Variants in PI4KA observed in about 807,000 individuals in gnomAD.
PI4KA encodes PI4-kinase alpha.
PI4KA carries 122 observed loss-of-function variants against 271.4 expected under a neutral mutation model. The observed-to-expected ratio is 0.45, with a 90% CI of 0.39 to 0.52. The LOEUF is 0.52. Ranked by LOEUF, PI4KA falls within the 20% of genes least tolerant of loss-of-function variation. The probability of loss-of-function intolerance (pLI) is 0.00; values close to 1 mark genes in which losing one functional copy is unlikely to be tolerated. For missense variants in PI4KA, 1,969 were observed against 2,769.1 expected (o/e 0.71, Z 6.48); for synonymous variants, 1,041 against 1,078.8 (o/e 0.96, Z 0.69).
chr22:20,779,449 A>G (rs375630666), intron 19 of PI4KA: 4 of 1,614,078 alleles, frequency 2.5e-6, no homozygotes, highest in African/African-American at 1.3e-5. Context: ...GAGCAGTTAA[A>G]TAACAAAAAC....
chr22:20,755,051 A>T (rs935556791), intron 23 of PI4KA, among the ~76,000 whole-genome samples: 1 of 152,172 alleles, frequency 6.6e-6, no homozygotes, highest in Non-Finnish European at 1.5e-5. Context: ...GGCCTCCCAA[A>T]ATGCTAGGAT....
intron 19 of PI4KA, among the ~76,000 whole-genome samples, chr22:20,766,647 A>T (rs1301827419): frequency 6.6e-6 from 1 of 152,202 alleles, no homozygotes; most frequent in Non-Finnish European, 1.5e-5. Flanking sequence ...CCTGGGCAAC[A>T]AGGGCGAAAC....
rs1409468281 is a variant in PI4KA, at chr22:20,744,599, GC to G, written c.3456+28del. 5 of 1,553,594 alleles carry G rather than the reference GC, an allele frequency of 3.2e-6. No individual in the cohort carries two copies. In the East Asian group the frequency reaches 9.0e-5, roughly 28 times the overall value. On this transcript the variant is annotated intron_variant, in intron 30 of 54. Coordinates refer to ENST00000255882, the MANE Select transcript of PI4KA (RefSeq NM_058004.4). ...CTCAAAACAAGAGGACACGTTAAAGGCCCTAGGGCGCAAGGACAAGAGAAGC... is the reference window on the plus strand; with the variant it reads ...CTCAAAACAAGAGGACACGTTAAAGGCCTAGGGCGCAAGGACAAGAGAAGC...
At chr22:20,795,255 C>G (rs1024022061) in intron 18 of PI4KA, among the ~76,000 whole-genome samples, 1 of 151,300 alleles carries the variant, frequency 6.6e-6, no homozygotes, top group Non-Finnish European at 1.5e-5. Flanking sequence ...AACACCAACT[C>G]ATATTCCTTT....
chr22:20,727,879 G>C lies in PI4KA; in HGVS notation c.4683-15C>G, dbSNP rs750794403. The C allele has an allele frequency of 1.2e-6, 2 of 1,602,886 alleles. No individual in the cohort carries two copies. Among genetic ancestry groups the C allele is most frequent in the Non-Finnish European group, 1.7e-6 (2 of 1,170,258 alleles). ...TGTTCTTAAACCTACAGTGCACAGA[G>C]GGTATGGGTGGTGCTGCCTCGCCAG... is the stretch of plus-strand genomic sequence containing the variant. On this transcript the variant is annotated splice_polypyrimidine_tract_variant and intron_variant, in intron 39 of 54. Transcript: ENST00000255882.
At chr22:20,786,077 G>T (rs1200592480) in intron 19 of PI4KA, 1 of 1,613,998 alleles carries the variant, frequency 6.2e-7, no homozygotes, top group Non-Finnish European at 8.5e-7. Context: ...GAAGTTGATG[G>T]GGATCAGGAT....
At chr22:20,711,569 A>G (rs983823230) in intron 50 of PI4KA, 108 bp from the exon 51 acceptor site, 9 of 1,189,584 alleles carry the variant, frequency 7.6e-6, no homozygotes, top group Non-Finnish European at 1.1e-5. Flanking sequence ...CTGGCTCTGT[A>G]CCCCCACTGT....
rs1425576847 is a variant in PI4KA at position 20,727,841 on chromosome 22, C to A, written c.4706G>T (p.Gly1569Val). The A allele has an allele frequency of 1.2e-6, 2 of 1,613,892 alleles. No individual in the cohort carries two copies. The highest frequency in any genetic ancestry group is 2.7e-5 in the African/African-American group (2 of 74,902). Residue 1569 changes from glycine (G) to valine (V), a missense_variant, in exon 40 of 55, where the codon GGG becomes GTG. Physicochemically the swap from Gly to Val is moderately radical, Grantham distance 109. This residue lies in a region of PI4KA where 388 missense variants were observed against 521.5 expected (regional missense o/e 0.74). Coordinates refer to ENST00000255882, the MANE Select transcript of PI4KA (RefSeq NM_058004.4). ...CCGAACGAGACGGGTCACTTCGTTC[C>A]CAATGGCTTCTGTGTTCTTAAACCT... The part of the protein sequence containing the change: ...PARFKNTEAI[G>V]NEVTRLVRLD...
At position 20,808,500 on chromosome 22, in the gene PI4KA, G is replaced by GAAC. The variant is rs386394968; in HGVS notation, c.1072-1043_1072-1042insGTT. 1.1e-4 allele frequency among the ~76,000 whole-genome samples: 16 copies of GAAC among 148,786 alleles called. No individual in the cohort carries two copies. In the East Asian group the frequency reaches 2.8e-3, roughly 26 times the overall value. ...CCCAGCTACTAAGGAGGCTGAGGCA[G>GAAC]AATTGCTTTGACCTGGGAGGCGGAG... On this transcript the variant is annotated intron_variant, in intron 9 of 54. Transcript: ENST00000255882.
At chr22:20,822,932 G>T (rs1056148932) in intron 4 of PI4KA, among the ~76,000 whole-genome samples, 2 of 151,994 alleles carry the variant, frequency 1.3e-5, no homozygotes, top group African/African-American at 4.8e-5. Context: ...TATTTATTTT[G>T]AGACCGAGTC....
chr22:20,739,359 A>AG (rs1601376395), intron 32 of PI4KA, among the ~76,000 whole-genome samples: 1 of 150,706 alleles, frequency 6.6e-6, no homozygotes, highest in East Asian at 2.0e-4. Flanking sequence ...AACAAAAAAA[A>AG]GCAACAACAA....
intron 50 of PI4KA, chr22:20,712,280 C>T (rs1925388902): frequency 1.4e-6 from 1 of 701,340 alleles, no homozygotes; most frequent in South Asian, 6.3e-5. Context: ...TGGTTTTGAT[C>T]TCTTGACCTC....
chr22:20,730,420 G>A (rs189447789), intron 36 of PI4KA, among the ~76,000 whole-genome samples: 2 of 151,426 alleles, frequency 1.3e-5, no homozygotes, highest in Admixed American at 6.6e-5. Flanking sequence ...GATTACAGGT[G>A]CCTGACACCA....
rs1569000296 is a variant in PI4KA, at chr22:20,761,383, T to TACC, written c.2709_2711dup (p.Val904dup). On this transcript the variant is annotated inframe_insertion, in exon 23 of 55. Transcript: ENST00000255882. ...AGCGATCAGGATCTGTTGAACGCAG[T>TACC]ACCCTAAGAAGAAAACAGCTTTAAA... 1.9e-6 allele frequency: 3 copies of TACC among 1,605,312 alleles called. No individual in the cohort carries two copies. Among genetic ancestry groups the TACC allele is most frequent in the Non-Finnish European group, 2.6e-6 (3 of 1,171,980 alleles).
Position 20,816,065 on chromosome 22 carries a change from G to T in PI4KA, c.856+2418C>A, listed in dbSNP as rs1921770158. On this transcript the variant is annotated intron_variant, in intron 7 of 54. Transcript: ENST00000255882. The stretch of plus-strand genomic sequence containing the variant: ...AGTGATTCTCATGTCTCAGTCTCCT[G>T]AGTAGCTGGGATTATAGGTGTGAGC... 2.0e-5 allele frequency among the ~76,000 whole-genome samples: 3 copies of T among 151,922 alleles called. No homozygotes were observed. The South Asian group carries it at 6.2e-4, about 32-fold the overall frequency.
rs1925718244 is a variant in PI4KA, at chr22:20,714,489, C to T, written c.5430G>A (p.Lys1810=). 1.2e-6 allele frequency: 2 copies of T among 1,613,364 alleles called. No individual in the cohort carries two copies. Among genetic ancestry groups the T allele is most frequent in the Non-Finnish European group, 8.5e-7 (1 of 1,179,564 alleles). Residue 1810 remains lysine, a synonymous_variant, in exon 47 of 55, where the codon AAG becomes AAA. Coordinates refer to ENST00000255882, the MANE Select transcript of PI4KA (RefSeq NM_058004.4). ...KAPYLAKFKV[K]RCGVSELEKE... ...TTTCAAGTTCACTAACTCCACATCG[C>T]TTCACCTTGAACTTGGCCAGATATG...
At chr22:20,815,379 C>CAAAAAAAAAAAAAAAAAAAAAAAAA (rs361826) in intron 7 of PI4KA, among the ~76,000 whole-genome samples, 6 of 83,932 alleles carry the variant, frequency 7.1e-5, no homozygotes, top group South Asian at 4.3e-4. Context: ...GACTGCGTCT[C>CAAAAAAAAAAAAAAAAAAAAAAAAA]AAAAAAAAAA....
intron 28 of PI4KA, 146 bp downstream of exon 28, chr22:20,749,759 A>G: frequency 2.8e-5 from 14 of 495,638 alleles, no homozygotes; most frequent in East Asian, 8.8e-5. Flanking sequence ...CCTCTGAGGC[A>G]TCTATTATTC....
At chr22:20,793,330 T>C (rs1934770042) in intron 18 of PI4KA, 87 bp from the exon 19 acceptor site, 2 of 766,654 alleles carry the variant, frequency 2.6e-6, no homozygotes, top group African/African-American at 1.8e-5. Context: ...TAGTGTTATG[T>C]AAACCTGGAA....
Sources: gnomAD v4.1 joint callset for allele counts (sites outside exome capture counted in the v4.1 genomes callset) on GRCh38, gnomAD v4.1.1 for gene constraint, gnomAD v4.1.1 regional missense constraint, MANE v1.5 for transcripts, NCBI Gene and HGNC (gene_info 2026-07-23, HGNC 2026-07-21) for gene names.